The following BMPR1A variants were observed in gnomAD, a reference collection of about 807,000 sequenced individuals.
BMPR1A encodes the protein bone morphogenetic protein receptor type-1A.
BMPR1A carries 7 observed loss-of-function variants against 66.0 expected under a neutral mutation model. The ratio of observed to expected loss-of-function variants is 0.11; its 90% CI spans 0.06 to 0.20. The LOEUF is 0.20. BMPR1A is among the 10% of genes least tolerant of loss of function. The pLI, the probability that BMPR1A is intolerant of heterozygous loss-of-function variation, is 1.00. For synonymous variants in BMPR1A, 200 were observed against 229.7 expected (o/e 0.87, Z 1.17); for missense variants, 408 against 669.1 (o/e 0.61, Z 4.31).
rs76389036 is a variant in BMPR1A, at chr10:86,849,096, T to C, written c.-153+10117T>C. On this transcript the variant is annotated intron_variant, in intron 2 of 12. Transcript: ENST00000372037. ...CTCTGAAACCTCCAGTGATTTCTCC[T>C]TGTCTGCTGAGTAAAGTTCAGGCTA... Among the ~76,000 whole-genome samples, 31 of 152,384 alleles carry C rather than the reference T, an allele frequency of 2.0e-4. No individual in the cohort carries two copies. The East Asian group carries it at 5.8e-3, about 28-fold the overall frequency.
chr10:86,891,180 C>T (rs937890872), intron 4 of BMPR1A, among the ~76,000 whole-genome samples: 1 of 152,140 alleles, frequency 6.6e-6, no homozygotes, highest in Admixed American at 6.6e-5. Flanking sequence ...GTGGGCTCTG[C>T]GTGGCTGACT....
chr10:86,862,795 A>T (rs948264925), intron 2 of BMPR1A, among the ~76,000 whole-genome samples: 1 of 152,156 alleles, frequency 6.6e-6, no homozygotes, highest in African/African-American at 2.4e-5. Context: ...AAAAATAAAA[A>T]AAAAAAGATT....
chr10:86,875,731 G>T, intron 2 of BMPR1A, 136 bp from the exon 3 acceptor site: 2 of 433,908 alleles, frequency 4.6e-6, no homozygotes, highest in Non-Finnish European at 8.3e-6. Flanking sequence ...AAAAAAAAAA[G>T]CAAGGATACC....
At chr10:86,918,636 T>TTG (rs1201318856) in intron 9 of BMPR1A, among the ~76,000 whole-genome samples, 1 of 151,502 alleles carries the variant, frequency 6.6e-6, no homozygotes, top group African/African-American at 2.4e-5. Flanking sequence ...TCTTTTTTTT[T>TTG]TTTTTGAGAC....
intron 1 of BMPR1A, among the ~76,000 whole-genome samples, chr10:86,800,891 G>A (rs937049365): frequency 2.0e-5 from 3 of 152,202 alleles, no homozygotes; most frequent in African/African-American, 7.2e-5. Context: ...TTATTTTAAA[G>A]TGAGAATAAA....
intron 2 of BMPR1A, among the ~76,000 whole-genome samples, chr10:86,866,582 G>A (rs1842791094): frequency 6.6e-6 from 1 of 151,190 alleles, no homozygotes; most frequent in Non-Finnish European, 1.5e-5. Context: ...CTAATTTTTT[G>A]TATTTTTAGT....
chr10:86,790,183 AAAAAAATATATATATATATATATAT>A (rs1841586568), intron 1 of BMPR1A, among the ~76,000 whole-genome samples: 1 of 39,570 alleles, frequency 2.5e-5, no homozygotes, highest in Non-Finnish European at 4.0e-5. Flanking sequence ...AAAAAAAAAA[AAAAAAATATATATATATATATATAT>A]ATATATATAT....
Position 86,925,473 on chromosome 10 carries a change from A to T in BMPR1A, c.*1754A>T. The T allele has an allele frequency of 4.7e-6, 1 of 211,544 alleles. No homozygotes were observed. The allele number at this position is 211,544 out of a possible 1,614,324, so 13.1% of individuals were successfully genotyped here. A position where few individuals can be genotyped will look rare whatever the true frequency, so the allele number is the denominator to read the frequency against. On this transcript the variant is annotated 3_prime_UTR_variant, in exon 13 of 13. Coordinates refer to ENST00000372037, the MANE Select transcript of BMPR1A (RefSeq NM_004329.3). ...ATTTCACAAATTTGAAAATTGCCTTAACCATTTTGATTAATAAGTTTCATC... is the reference window on the plus strand; with the variant it reads ...ATTTCACAAATTTGAAAATTGCCTTTACCATTTTGATTAATAAGTTTCATC...
intron 2 of BMPR1A, among the ~76,000 whole-genome samples, chr10:86,865,643 AAAAG>A (rs1308030625): frequency 2.0e-5 from 3 of 152,206 alleles, no homozygotes; most frequent in South Asian, 4.1e-4. Context: ...TGAGTTGACA[AAAAG>A]AAATTATCTT....
chr10:86,874,200 T>C (rs912070591), intron 2 of BMPR1A, among the ~76,000 whole-genome samples: 2 of 152,154 alleles, frequency 1.3e-5, no homozygotes, highest in African/African-American at 4.8e-5. Context: ...ATTAGCCTTT[T>C]CCCCCGTTAT....
At chr10:86,864,927 G>C (rs971467605) in intron 2 of BMPR1A, among the ~76,000 whole-genome samples, 1 of 151,924 alleles carries the variant, frequency 6.6e-6, no homozygotes, top group African/African-American at 2.4e-5. Flanking sequence ...CCCTAATCCC[G>C]CTTGAAGCAG....
chr10:86,826,343 G>A (rs1028146052), intron 1 of BMPR1A, among the ~76,000 whole-genome samples: 6 of 147,800 alleles, frequency 4.1e-5, no homozygotes, highest in African/African-American at 1.5e-4. Flanking sequence ...AGAAACCAAG[G>A]GAAAAAATAT....
rs780148965 is a variant in BMPR1A, at chr10:86,921,629, A to G, written c.1276A>G (p.Ile426Val). 6.2e-7 allele frequency: 1 copy of G among 1,614,184 alleles called. No homozygotes were observed. Among genetic ancestry groups the G allele is most frequent in the Non-Finnish European group, 8.5e-7 (1 of 1,180,034 alleles). Residue 426 changes from isoleucine (I) to valine (V), a missense_variant, in exon 11 of 13, where the codon ATC becomes GTC. Transcript: ENST00000372037. ...GAACAAAAACCACTTCCAGCCCTAC[A>G]TCATGGCTGACATCTACAGCTTCGG... is the stretch of plus-strand genomic sequence containing the variant. ...SLNKNHFQPYIMADIYSFGLI... is the reference protein window; with the variant it reads ...SLNKNHFQPYVMADIYSFGLI...
chr10:86,879,909 G>A (rs1842964633), intron 3 of BMPR1A, among the ~76,000 whole-genome samples: 1 of 152,192 alleles, frequency 6.6e-6, no homozygotes, highest in Admixed American at 6.5e-5. Context: ...GATTAATGAT[G>A]CTTAACCTGT....
intron 7 of BMPR1A, among the ~76,000 whole-genome samples, chr10:86,903,829 A>G (rs1008297927): frequency 8.4e-4 from 128 of 152,030 alleles, no homozygotes; most frequent in African/African-American, 3.0e-3. Flanking sequence ...GATGGTCTCG[A>G]TCTCCTGACC....
intron 1 of BMPR1A, among the ~76,000 whole-genome samples, chr10:86,808,379 C>G (rs1379421869): frequency 4.6e-5 from 7 of 151,960 alleles, no homozygotes; most frequent in Non-Finnish European, 8.8e-5. Flanking sequence ...TTACTGATTT[C>G]CTATTTTCAG....
intron 2 of BMPR1A, among the ~76,000 whole-genome samples, chr10:86,865,530 C>G (rs1354163206): frequency 2.0e-5 from 3 of 152,200 alleles, no homozygotes; most frequent in Non-Finnish European, 4.4e-5. Flanking sequence ...CCCGCCTGCA[C>G]CCAGGTGATT....
chr10:86,883,103 G>A lies in BMPR1A; in HGVS notation c.68-6959G>A, dbSNP rs533036977. 2.9e-4 allele frequency among the ~76,000 whole-genome samples: 44 copies of A among 152,260 alleles called. 1 individual carries two copies. The highest frequency in any genetic ancestry group is 1.2e-3 in the South Asian group (6 of 4,822). ...TTTGACAGTATCAACTGATGACCAA[G>A]GCTGTTTCCTCTCTACCCCCATGCA... On this transcript the variant is annotated intron_variant, in intron 3 of 12. Transcript: ENST00000372037.
In BMPR1A at chr10:86,767,443, C is replaced by CGGA. The variant is rs146768500; in HGVS notation, c.-268+10527_-268+10529dup. ...CTTGTAATCCCAGCACTTTGGGTGG[C>CGGA]GGAGGCAGGAGGATCACTTGAGCCT... On this transcript the variant is annotated intron_variant, in intron 1 of 12. Transcript: ENST00000372037. 0.017 allele frequency among the ~76,000 whole-genome samples: 2,535 copies of CGGA among 152,132 alleles called. 77 individuals are homozygous for CGGA. The highest frequency in any genetic ancestry group is 0.058 in the African/African-American group (2,415 of 41,488).
Sources: gnomAD v4.1 joint callset for allele counts (sites outside exome capture counted in the v4.1 genomes callset) on GRCh38, gnomAD v4.1.1 for gene constraint, MANE v1.5 for transcripts, NCBI Gene and HGNC (gene_info 2026-07-23, HGNC 2026-07-21) for gene names.